CSMD3: variants seen among roughly 807,000 people sequenced by gnomAD.
The protein encoded by CSMD3 is CUB and Sushi multiple domains 3.
Under a neutral mutation model 435.2 loss-of-function variants are expected in CSMD3, and 177 were observed. That is an observed-to-expected ratio of 0.41 (90% confidence interval 0.36 to 0.46). The LOEUF is 0.46. Among genes scored for constraint, CSMD3 ranks in the 20% least tolerant of loss-of-function variants. CSMD3 has a pLI of 0.34. For missense variants in CSMD3, 4,265 were observed against 4,504.6 expected, an observed-to-expected ratio of 0.95 and a Z score of 1.52; for synonymous variants, 1,656 against 1,520.5, an observed-to-expected ratio of 1.09 and a Z score of -2.07.
intron 38 of CSMD3, among the ~76,000 whole-genome samples, chr8:112,356,623 C>A (rs1468109245): frequency 6.6e-6 from 1 of 151,336 alleles, no homozygotes; most frequent in Non-Finnish European, 1.5e-5. Context: ...CGTGGGAATT[C>A]TCATCTTGAA....
At chr8:112,800,938 C>T (rs565064394) in intron 12 of CSMD3, among the ~76,000 whole-genome samples, 5 of 151,942 alleles carry the variant, frequency 3.3e-5, no homozygotes, top group Admixed American at 2.6e-4. Flanking sequence ...TGTCTATCAT[C>T]AATGATATTG....
rs574033773 is a variant in CSMD3 at position 113,085,569 on chromosome 8, T to C, written c.917+13187A>G. On this transcript the variant is annotated intron_variant, in intron 5 of 70. Transcript: ENST00000297405. ...ATGAGTGGATAAAGAAAAGGTGGTA[T>C]ATATGCACAATGGAATAGTATTCAG... 7.9e-5 allele frequency among the ~76,000 whole-genome samples: 12 copies of C among 152,270 alleles called. No homozygotes were observed. The South Asian group carries it at 2.5e-3, about 32-fold the overall frequency.
At chr8:113,386,546 T>C (rs778394336) in intron 1 of CSMD3, among the ~76,000 whole-genome samples, 27 of 151,842 alleles carry the variant, frequency 1.8e-4, no homozygotes, top group Non-Finnish European at 3.4e-4. Context: ...TCTGTTAGAA[T>C]TGATCTCTCT....
chr8:112,410,678 A>T (rs547256395), intron 32 of CSMD3, among the ~76,000 whole-genome samples: 4 of 79,184 alleles, frequency 5.1e-5, no homozygotes, highest in African/African-American at 2.7e-4. Context: ...ATATATGTGT[A>T]TATATATATG....
chr8:112,954,685 G>T lies in CSMD3; in HGVS notation c.1419C>A (p.Ile473=), dbSNP rs769731876. The change falls in exon 8 of 71, where the codon ATC becomes ATA. Residue 473 remains isoleucine (I), a splice_region_variant and synonymous_variant. Transcript: ENST00000297405. The stretch of plus-strand genomic sequence containing the variant: ...GTAACAAAAAAGAAGTACACTCACA[G>T]ATAGAAAACTTGTTGCTGTTGTCTT... The part of the protein sequence containing the change: ...PGKDNSNKFS[I]LNEGGIKTAS... 10 of 1,584,148 alleles carry T rather than the reference G, an allele frequency of 6.3e-6. No homozygotes were observed. The highest frequency in any genetic ancestry group is 8.7e-6 in the Non-Finnish European group (10 of 1,154,236).
At chr8:112,577,654 T>C (rs1320908187) in intron 23 of CSMD3, among the ~76,000 whole-genome samples, 1 of 152,072 alleles carries the variant, frequency 6.6e-6, no homozygotes, top group Non-Finnish European at 1.5e-5. Flanking sequence ...ATTGTCTGAT[T>C]ACTTACACCA....
intron 6 of CSMD3, among the ~76,000 whole-genome samples, chr8:113,007,691 T>G (rs2131105552): frequency 6.6e-6 from 1 of 152,096 alleles, no homozygotes; most frequent in African/African-American, 2.4e-5. Context: ...GGAAGGTTTC[T>G]GTTGAGGGTG....
chr8:112,929,037 A>G (rs898830058), intron 9 of CSMD3, among the ~76,000 whole-genome samples: 1 of 148,626 alleles, frequency 6.7e-6, no homozygotes, highest in East Asian at 2.0e-4. Flanking sequence ...TCTGATGGCC[A>G]GTGATGGTGA....
intron 8 of CSMD3, among the ~76,000 whole-genome samples, chr8:112,948,841 A>G (rs2083705508): frequency 6.6e-6 from 1 of 152,002 alleles, no homozygotes; most frequent in Admixed American, 6.6e-5. Flanking sequence ...AAAGATGACT[A>G]CTTCTACCTC....
At chr8:112,705,770 T>C (rs865828138) in intron 13 of CSMD3, among the ~76,000 whole-genome samples, 125 of 152,250 alleles carry the variant, frequency 8.2e-4, no homozygotes, top group Admixed American at 1.3e-3. Context: ...GACTATACTC[T>C]GGTCAACACC....
Position 113,098,983 on chromosome 8 carries a change from A to T in CSMD3, c.710-20T>A. ...CTTCAGCTGTTAAAAATGACAAAATATTCAGTTGTAAGTTATTGAGATAAA... is the reference window on the plus strand; with the variant it reads ...CTTCAGCTGTTAAAAATGACAAAATTTTCAGTTGTAAGTTATTGAGATAAA... On this transcript the variant is annotated intron_variant, in intron 4 of 70. Transcript: ENST00000297405. 3 of 1,483,378 alleles carry T rather than the reference A, an allele frequency of 2.0e-6. No homozygotes were observed. Among genetic ancestry groups the T allele is most frequent in the Non-Finnish European group, 1.9e-6 (2 of 1,061,982 alleles). 91.9% of individuals were successfully genotyped at this position (1,483,378 alleles called of 1,614,324 possible). A position where few individuals can be genotyped will look rare whatever the true frequency, so the allele number is the denominator to read the frequency against.
At chr8:112,592,254 T>C (rs896952899) in intron 22 of CSMD3, among the ~76,000 whole-genome samples, 2 of 152,062 alleles carry the variant, frequency 1.3e-5, no homozygotes, top group African/African-American at 4.8e-5. Context: ...GATACATTAA[T>C]TTCCTTATGC....
intron 5 of CSMD3, among the ~76,000 whole-genome samples, chr8:113,042,393 T>A (rs2087660539): frequency 6.6e-6 from 1 of 152,192 alleles, no homozygotes; most frequent in Non-Finnish European, 1.5e-5. Context: ...TCTGTCTTCT[T>A]TAATATCTCT....
chr8:112,305,103 C>T (rs930007934), intron 51 of CSMD3, among the ~76,000 whole-genome samples, 188 bp from the exon 52 acceptor site: 1 of 152,108 alleles, frequency 6.6e-6, no homozygotes, highest in Non-Finnish European at 1.5e-5. Context: ...TGCTGGCAGT[C>T]TGGAACACAC....
At chr8:112,533,969 T>C (rs1240311667) in intron 27 of CSMD3, among the ~76,000 whole-genome samples, 1 of 151,986 alleles carries the variant, frequency 6.6e-6, no homozygotes, top group East Asian at 1.9e-4. Context: ...ACATTAGAAA[T>C]TGTACAAATA....
chr8:112,985,377 C>T lies in CSMD3; in HGVS notation c.1031-9229G>A, dbSNP rs146037451. The stretch of plus-strand genomic sequence containing the variant: ...GAATGAAAAAACGAAATAGTAGGCA[C>T]CGAGACTTGAAGAGCCAAAACACTT... On this transcript the variant is annotated intron_variant, in intron 6 of 70. Transcript: ENST00000297405. Among the ~76,000 whole-genome samples the T allele has an allele frequency of 3.7e-3, 567 of 151,978 alleles. 3 individuals are homozygous for T. The highest frequency in any genetic ancestry group is 0.024 in the Middle Eastern group (7 of 294).
At chr8:112,731,053 A>G (rs1465632423) in intron 13 of CSMD3, among the ~76,000 whole-genome samples, 1 of 152,144 alleles carries the variant, frequency 6.6e-6, no homozygotes, top group African/African-American at 2.4e-5. Flanking sequence ...TGTTCAGAGA[A>G]TTTTAAAAAG....
chr8:112,832,602 G>A (rs2132492747), intron 11 of CSMD3, among the ~76,000 whole-genome samples: 1 of 152,246 alleles, frequency 6.6e-6, no homozygotes, highest in Admixed American at 6.5e-5. Context: ...TTTAGGAGCT[G>A]AGGGCCTAAG....
intron 32 of CSMD3, among the ~76,000 whole-genome samples, chr8:112,450,120 C>A (rs1045267167): frequency 3.2e-4 from 48 of 152,122 alleles, no homozygotes; most frequent in African/African-American, 4.8e-5. Context: ...TTTATATTGA[C>A]AATCCTCTCA....
Sources: allele counts gnomAD v4.1 joint callset (sites outside exome capture counted in the v4.1 genomes callset), GRCh38; gene constraint gnomAD v4.1.1; transcripts MANE v1.5; gene names NCBI Gene and HGNC (gene_info 2026-07-23, HGNC 2026-07-21).